UBN1: variants seen among roughly 807,000 people sequenced by gnomAD.
The protein encoded by UBN1 is ubinuclein-1.
UBN1 carries 17 observed loss-of-function variants against 108.5 expected under a neutral mutation model. The ratio of observed to expected loss-of-function variants is 0.16; its 90% confidence interval spans 0.11 to 0.24. The LOEUF (loss-of-function observed/expected upper bound fraction) is 0.24, where lower values mean the gene tolerates loss of function less well. Among genes scored for constraint, UBN1 ranks in the 10% least tolerant of loss-of-function variants. UBN1 has a pLI of 1.00. For missense variants in UBN1, 1,595 were observed against 1,394.4 expected, an observed-to-expected ratio of 1.14 and a Z score of -2.29; for synonymous variants, 726 against 564.2, an observed-to-expected ratio of 1.29 and a Z score of -4.07.
intron 7 of UBN1, among the ~76,000 whole-genome samples, chr16:4,862,227 A>G (rs1242118252): frequency 6.6e-6 from 1 of 152,214 alleles, no homozygotes; most frequent in Non-Finnish European, 1.5e-5. Flanking sequence ...TACCTATAAT[A>G]TCCTTTGTGT....
chr16:4,871,839 G>T (rs964670620), intron 12 of UBN1, among the ~76,000 whole-genome samples: 3 of 152,176 alleles, frequency 2.0e-5, no homozygotes, highest in Middle Eastern at 3.4e-3. Context: ...GCCCACCTTG[G>T]CCTCCCTAAG....
chr16:4,858,310 T>C (rs2086902275), intron 3 of UBN1, among the ~76,000 whole-genome samples: 1 of 152,214 alleles, frequency 6.6e-6, no homozygotes, highest in Admixed American at 6.5e-5. Context: ...GTGGTCGCCT[T>C]AGAAGAAATA....
In UBN1 at chr16:4,847,484, T is replaced by A. The variant is rs1475630093; in HGVS notation, c.-766T>A. 1.0e-5 allele frequency: 6 copies of A among 585,306 alleles called. No individual in the cohort carries two copies. Among genetic ancestry groups the A allele is most frequent in the Non-Finnish European group, 1.7e-5 (6 of 352,838 alleles). 36.3% of individuals were successfully genotyped at this position (585,306 alleles called of 1,614,324 possible). A position where few individuals can be genotyped will look rare whatever the true frequency, so the allele number is the denominator to read the frequency against. On this transcript the variant is annotated 5_prime_UTR_variant, in exon 1 of 18. Transcript: ENST00000262376. ...GCGCCGGAGCGCAGAGACTCCCGGC[T>A]CCTTCCCCCTCCCTTCGGCTCGTGA...
intron 7 of UBN1, among the ~76,000 whole-genome samples, chr16:4,862,842 G>T (rs1233923018): frequency 6.6e-6 from 1 of 152,228 alleles, no homozygotes; most frequent in African/African-American, 2.4e-5. Flanking sequence ...TAGGCAAGCT[G>T]CCCCTCCTCA....
intron 1 of UBN1, among the ~76,000 whole-genome samples, chr16:4,851,207 A>G (rs1336143401): frequency 6.6e-6 from 1 of 152,218 alleles, no homozygotes; most frequent in Non-Finnish European, 1.5e-5. Context: ...AAATATCTAT[A>G]AATGACCATA....
At chr16:4,866,754 C>T (rs774643701) in intron 7 of UBN1, among the ~76,000 whole-genome samples, 5 of 152,216 alleles carry the variant, frequency 3.3e-5, no homozygotes, top group Admixed American at 6.5e-5. Context: ...TCGCGTGTTC[C>T]GCCCACCTTG....
chr16:4,880,297 A>C lies in UBN1; in HGVS notation c.*165A>C, dbSNP rs922547676. ...GGCACTTCTGATGTGCCTCCCATGG[A>C]GGGAGCCGGGCCCTTGCTGCTCAGG... On this transcript the variant is annotated 3_prime_UTR_variant, in exon 18 of 18. Transcript: ENST00000262376. 8.2e-5 allele frequency: 62 copies of C among 753,204 alleles called. No individual in the cohort carries two copies. In the Middle Eastern group the frequency reaches 1.9e-3, roughly 23 times the overall value. The allele number at this position is 753,204 out of a possible 1,614,324, so 46.7% of individuals were successfully genotyped here.
In UBN1 at chr16:4,882,295, G is replaced by C. The variant is rs772025089; in HGVS notation, c.*2163G>C. The C allele has an allele frequency of 6.6e-6, 1 of 152,644 alleles. No individual in the cohort carries two copies. Among genetic ancestry groups the C allele is most frequent in the Non-Finnish European group, 1.5e-5 (1 of 68,038 alleles). The allele number at this position is 152,644 out of a possible 1,614,324, so 9.5% of individuals were successfully genotyped here. On this transcript the variant is annotated 3_prime_UTR_variant, in exon 18 of 18. Coordinates refer to ENST00000262376, the MANE Select transcript of UBN1 (RefSeq NM_001079514.3). ...TTGTGCAGCGACTATGTTGGTGTTA[G>C]GGGTGGTGTGGAGATTGTTAATCTT... is the stretch of plus-strand genomic sequence containing the variant.
intron 2 of UBN1, among the ~76,000 whole-genome samples, chr16:4,855,606 CAA>C (rs36072146): frequency 0.44 from 34,777 of 79,368 alleles, 5,107 homozygotes; most frequent in African/African-American, 0.5. Context: ...GACCCTGTGT[CAA>C]AAAAAAAAAA....
rs759344202 is a variant in UBN1, at chr16:4,852,946, C to T, written c.29C>T (p.Thr10Ile). 1 of 1,614,162 alleles carries T rather than the reference C, an allele frequency of 6.2e-7. No homozygotes were observed. Among genetic ancestry groups the T allele is most frequent in the Admixed American group, 1.7e-5 (1 of 60,024 alleles). The part of the protein sequence containing the change: MSEPHRVQF[T>I]SLPGSLNPAF... Reference sequence around the variant, plus strand: ...TCGGAGCCCCACAGGGTCCAGTTCACCTCTCTCCCAGGTTCCCTGAATCCT... The same window carrying T: ...TCGGAGCCCCACAGGGTCCAGTTCATCTCTCTCCCAGGTTCCCTGAATCCT... Residue 10 changes from threonine (T) to isoleucine (I), a missense_variant, in exon 2 of 18, where the codon ACC becomes ATC. Thr to Ile is a moderately conservative substitution (Grantham distance 89). This residue lies in a region of UBN1 where 181 missense variants were observed against 157.3 expected (regional missense o/e 1.15). Coordinates refer to ENST00000262376, the MANE Select transcript of UBN1 (RefSeq NM_001079514.3).
intron 12 of UBN1, 68 bp downstream of exon 12, chr16:4,871,369 G>A: frequency 6.4e-7 from 1 of 1,559,488 alleles, no homozygotes; most frequent in Non-Finnish European, 8.7e-7. Context: ...TTTTGTGCCA[G>A]GCCAACAGGA....
chr16:4,858,592 C>T lies in UBN1; in HGVS notation c.361C>T (p.Arg121Ter), dbSNP rs2086913531. The T allele has an allele frequency of 6.2e-7, 1 of 1,614,020 alleles. No homozygotes were observed. The highest frequency in any genetic ancestry group is 8.5e-7 in the Non-Finnish European group (1 of 1,179,972). ...KYGGKKRRKD[R>*]IQDLIDMGYG... The stretch of plus-strand genomic sequence containing the variant: ...GGGTGGAAAGAAACGTAGAAAAGAC[C>T]GAATACAGGACTTGATCGATATGGG... The change falls in exon 4 of 18, where the codon CGA becomes TGA. Residue 121 changes from arginine to a stop codon, truncating the protein, a stop_gained. Transcript: ENST00000262376. LOFTEE classifies it high-confidence loss of function.
At position 4,874,354 on chromosome 16, in the gene UBN1, C is replaced by T; in HGVS notation, c.1944C>T (p.Gly648=). The T allele has an allele frequency of 6.2e-7, 1 of 1,614,126 alleles. No individual in the cohort carries two copies. Among genetic ancestry groups the T allele is most frequent in the Non-Finnish European group, 8.5e-7 (1 of 1,180,042 alleles). Reference sequence around the variant, plus strand: ...AGCTCCCATCCCAGGCATCGGGCGGCCTTGCTAACCCTCCTCCTGTCAACC... The same window carrying T: ...AGCTCCCATCCCAGGCATCGGGCGGTCTTGCTAACCCTCCTCCTGTCAACC... ...SRELPSQASG[G]LANPPPVNLE... The change falls in exon 15 of 18, where the codon GGC becomes GGT. Residue 648 remains glycine, a synonymous_variant. Transcript: ENST00000262376.
chr16:4,860,038 C>CA, intron 6 of UBN1, 70 bp downstream of exon 6: 1 of 1,587,862 alleles, frequency 6.3e-7, no homozygotes, highest in Non-Finnish European at 8.6e-7. Flanking sequence ...GGAGCTGACT[C>CA]ACCTCCTCCC....
At chr16:4,869,016 A>G (rs1196072248) in intron 8 of UBN1, 113 bp downstream of exon 8, 1 of 953,966 alleles carries the variant, frequency 1.0e-6, no homozygotes, top group East Asian at 2.8e-5. Flanking sequence ...GGTGACCACC[A>G]AGGAGATAAA....
intron 7 of UBN1, among the ~76,000 whole-genome samples, chr16:4,863,938 A>G (rs894564721): frequency 6.6e-6 from 1 of 152,092 alleles, no homozygotes; most frequent in Non-Finnish European, 1.5e-5. Context: ...GTATCACATG[A>G]CTTCCAGCAC....
chr16:4,866,750 G>A (rs764159211), intron 7 of UBN1, among the ~76,000 whole-genome samples: 4 of 152,178 alleles, frequency 2.6e-5, no homozygotes, highest in Non-Finnish European at 5.9e-5. Flanking sequence ...GAGCTCGCGT[G>A]TTCCGCCCAC....
In UBN1 at chr16:4,876,989, C is replaced by G; in HGVS notation, c.3143C>G (p.Pro1048Arg). The change falls in exon 16 of 18, where the codon CCT (proline) becomes CGT (arginine). Residue 1048 changes from proline to arginine, a missense_variant. Around this residue, in one of 3 missense-constraint regions of UBN1, gnomAD observed 1,398 missense variants for 1,194.7 expected, o/e 1.17. Transcript: ENST00000262376. ...TCGAACTCCTTGGGAATTATAACCC[C>G]TGTCCCTATTCCTGTCCATGTGCTC... ...MSSNSLGIIT[P>R]VPIPVHVLSF... The G allele has an allele frequency of 6.2e-7, 1 of 1,614,258 alleles. No individual in the cohort carries two copies. The highest frequency in any genetic ancestry group is 1.3e-5 in the African/African-American group (1 of 75,074).
chr16:4,861,078 G>A lies in UBN1; in HGVS notation c.1086G>A (p.Glu362=), dbSNP rs140546289. Reference sequence around the variant, plus strand: ...CCGAAGGCCTGCCAGCACCCCTGGAGAAGCGCGTTAAGGAGCTGGCTCAGG... The same window carrying A: ...CCGAAGGCCTGCCAGCACCCCTGGAAAAGCGCGTTAAGGAGCTGGCTCAGG... ...SLPEGLPAPL[E]KRVKELAQAA... The change falls in exon 7 of 18, where the codon GAG becomes GAA. Residue 362 remains glutamate, a synonymous_variant. Coordinates refer to ENST00000262376, the MANE Select transcript of UBN1 (RefSeq NM_001079514.3). 6.6e-4 allele frequency: 1,071 copies of A among 1,613,650 alleles called. 4 individuals carry two copies. The South Asian group carries it at 7.1e-3, about 11-fold the overall frequency.
Sources: allele counts gnomAD v4.1 joint callset (sites outside exome capture counted in the v4.1 genomes callset), GRCh38; gene constraint gnomAD v4.1.1; regional missense constraint gnomAD v4.1.1; transcripts MANE v1.5; gene names NCBI Gene and HGNC (gene_info 2026-07-23, HGNC 2026-07-21).